SPOCK1: variants seen among roughly 807,000 people sequenced by gnomAD.
SPOCK1 encodes testican-1.
A neutral mutation model predicts 55.3 loss-of-function variants in SPOCK1; 23 were observed. That is an observed-to-expected ratio of 0.42 (90% confidence interval 0.30 to 0.59). The LOEUF (loss-of-function observed/expected upper bound fraction) is 0.59. Among genes scored for constraint, SPOCK1 ranks in the 20% least tolerant of loss-of-function variants. The probability of loss-of-function intolerance (pLI) is 0.22; values close to 1 mark genes in which losing one functional copy is unlikely to be tolerated. For synonymous variants in SPOCK1, 226 were observed against 221.0 expected, an observed-to-expected ratio of 1.02 and a Z score of -0.20; for missense variants, 499 against 552.5, an observed-to-expected ratio of 0.90 and a Z score of 0.97.
chr5:137,223,872 T>G (rs1010615356), intron 3 of SPOCK1, among the ~76,000 whole-genome samples: 1 of 152,154 alleles, frequency 6.6e-6, no homozygotes, highest in African/African-American at 2.4e-5. Context: ...CAGTTCATAA[T>G]GTACAAAATA....
At chr5:137,439,775 C>T (rs7720059) in intron 2 of SPOCK1, among the ~76,000 whole-genome samples, 7,670 of 152,218 alleles carry the variant, frequency 0.05, 421 homozygotes, top group African/African-American at 0.14. Flanking sequence ...TGGCAGCTGG[C>T]CATTCACTCT....
intron 6 of SPOCK1, among the ~76,000 whole-genome samples, chr5:137,062,679 G>C (rs903889693): frequency 1.3e-5 from 2 of 151,862 alleles, no homozygotes; most frequent in Non-Finnish European, 2.9e-5. Flanking sequence ...TGACGGGGCT[G>C]ACTGTTGGGT....
chr5:137,160,849 G>T (rs1195131464), intron 3 of SPOCK1, among the ~76,000 whole-genome samples: 1 of 143,930 alleles, frequency 6.9e-6, no homozygotes, highest in East Asian at 2.0e-4. Flanking sequence ...ACTACCATTT[G>T]ATCCATCAAT....
In SPOCK1 at chr5:137,273,647, T is replaced by C. The variant is rs141712464; in HGVS notation, c.187-6592A>G. 1.1e-4 allele frequency among the ~76,000 whole-genome samples: 17 copies of C among 152,350 alleles called. No homozygotes were observed. In the East Asian group the frequency reaches 3.1e-3, roughly 28 times the overall value. ...GAAATCTGAGTGTGGTCTAGTGATC[T>C]ATATCATTGCTGCCGAACAGCTAGC... On this transcript the variant is annotated intron_variant, in intron 2 of 10. Coordinates refer to ENST00000394945, the MANE Select transcript of SPOCK1 (RefSeq NM_004598.4).
At chr5:137,484,831 T>C (rs1754019521) in intron 2 of SPOCK1, among the ~76,000 whole-genome samples, 1 of 152,214 alleles carries the variant, frequency 6.6e-6, no homozygotes, top group East Asian at 1.9e-4. Context: ...CTGTAGCATA[T>C]ACACTCACTG....
Position 137,230,741 on chromosome 5 carries a change from A to AT in SPOCK1, c.232+36268dup, listed in dbSNP as rs1308148925. Among the ~76,000 whole-genome samples the AT allele has an allele frequency of 2.6e-5, 4 of 152,030 alleles. No individual in the cohort carries two copies. The East Asian group carries it at 7.7e-4, about 29-fold the overall frequency. On this transcript the variant is annotated intron_variant, in intron 3 of 10. Transcript: ENST00000394945. Reference sequence around the variant, plus strand: ...ACATCACATCATATCTTTTTATTGAATTTTTTTGTTGAGATCATTGTGGAT... The same window carrying AT: ...ACATCACATCATATCTTTTTATTGAATTTTTTTTGTTGAGATCATTGTGGAT...
chr5:137,349,068 T>C (rs1750622988), intron 2 of SPOCK1, among the ~76,000 whole-genome samples: 1 of 152,158 alleles, frequency 6.6e-6, no homozygotes, highest in Non-Finnish European at 1.5e-5. Flanking sequence ...TAGGTAACTC[T>C]CCCAACTCAA....
intron 2 of SPOCK1, among the ~76,000 whole-genome samples, chr5:137,434,184 G>A (rs1580924864): frequency 6.6e-6 from 1 of 152,192 alleles, no homozygotes; most frequent in Non-Finnish European, 1.5e-5. Context: ...AAAGCAGTTC[G>A]TGAACAGCCT....
At chr5:137,005,405 A>T (rs1180418322) in intron 6 of SPOCK1, among the ~76,000 whole-genome samples, 1 of 8,554 alleles carries the variant, frequency 1.2e-4, no homozygotes, top group Non-Finnish European at 1.2e-3. Flanking sequence ...TAGGTTTTGA[A>T]AAAAAAAGGA....
intron 2 of SPOCK1, among the ~76,000 whole-genome samples, chr5:137,458,117 C>A (rs1043915974): frequency 3.9e-5 from 6 of 152,266 alleles, no homozygotes; most frequent in African/African-American, 1.2e-4. Context: ...GTCAGAAAAG[C>A]ACATTTCAGA....
intron 3 of SPOCK1, among the ~76,000 whole-genome samples, chr5:137,229,119 T>C (rs1361999602): frequency 6.6e-6 from 1 of 152,184 alleles, no homozygotes; most frequent in Non-Finnish European, 1.5e-5. Flanking sequence ...ACAATGGGAA[T>C]CTTCAACCTA....
At chr5:137,317,352 G>A (rs1019347756) in intron 2 of SPOCK1, among the ~76,000 whole-genome samples, 1 of 152,202 alleles carries the variant, frequency 6.6e-6, no homozygotes, top group African/African-American at 2.4e-5. Context: ...AGTAAGGGTA[G>A]TGAGATCTGG....
chr5:137,384,500 G>A (rs2127176397), intron 2 of SPOCK1, among the ~76,000 whole-genome samples: 1 of 151,180 alleles, frequency 6.6e-6, no homozygotes, highest in South Asian at 2.1e-4. Context: ...ACACAGACTT[G>A]GTGGCATATA....
At chr5:137,182,812 C>T (rs951683674) in intron 3 of SPOCK1, among the ~76,000 whole-genome samples, 1 of 152,182 alleles carries the variant, frequency 6.6e-6, no homozygotes, top group African/African-American at 2.4e-5. Flanking sequence ...AGGCTAAGCT[C>T]CTAAGCTGAA....
intron 7 of SPOCK1, among the ~76,000 whole-genome samples, chr5:136,989,426 G>A (rs894333191): frequency 6.6e-6 from 1 of 152,182 alleles, no homozygotes; most frequent in Non-Finnish European, 1.5e-5. Flanking sequence ...AAGGTCCCGT[G>A]CAATCTCAGG....
intron 2 of SPOCK1, among the ~76,000 whole-genome samples, chr5:137,303,542 A>C (rs1022284892): frequency 2.0e-5 from 3 of 152,224 alleles, no homozygotes; most frequent in Non-Finnish European, 4.4e-5. Context: ...ACAGCGATTG[A>C]GAATCAGGTC....
chr5:137,405,452 A>G (rs1752077537), intron 2 of SPOCK1, among the ~76,000 whole-genome samples: 1 of 152,054 alleles, frequency 6.6e-6, no homozygotes, highest in Non-Finnish European at 1.5e-5. Context: ...CCTGTGTCCT[A>G]TTTTCCAGTC....
At chr5:137,076,790 T>G (rs961302783) in intron 5 of SPOCK1, among the ~76,000 whole-genome samples, 1 of 152,222 alleles carries the variant, frequency 6.6e-6, no homozygotes, top group Non-Finnish European at 1.5e-5. Context: ...TGTAACCCTA[T>G]GTGAGAGCAG....
At position 137,328,339 on chromosome 5, in the gene SPOCK1, G is replaced by GATGACCT. The variant is rs565873326; in HGVS notation, c.187-61291_187-61285dup. ...ACTGGGAAGAGTGAAAGTTTGCAAG[G>GATGACCT]ATGACCTATGCCCTCCCCAAGAAAT... On this transcript the variant is annotated intron_variant, in intron 2 of 10. Coordinates refer to ENST00000394945, the MANE Select transcript of SPOCK1 (RefSeq NM_004598.4). Among the ~76,000 whole-genome samples, 270 of 152,282 alleles carry GATGACCT rather than the reference G, an allele frequency of 1.8e-3. 1 individual carries two copies. Among genetic ancestry groups the GATGACCT allele is most frequent in the African/African-American group, 6.0e-3 (248 of 41,550 alleles).
Sources: gnomAD v4.1 joint callset for allele counts (sites outside exome capture counted in the v4.1 genomes callset) on GRCh38, gnomAD v4.1.1 for gene constraint, MANE v1.5 for transcripts, NCBI Gene and HGNC (gene_info 2026-07-23, HGNC 2026-07-21) for gene names.